FLNC: variants seen among roughly 807,000 people sequenced by gnomAD.
FLNC encodes the protein filamin C.
In FLNC, 91 loss-of-function variants were observed where a neutral mutation model predicts 254.3. That is an observed-to-expected ratio of 0.36 (90% CI 0.30 to 0.43). The LOEUF is 0.43. Among genes scored for constraint, FLNC ranks in the 20% least tolerant of loss-of-function variants. The probability of loss-of-function intolerance (pLI) is 1.00; values close to 1 mark genes in which losing one functional copy is unlikely to be tolerated. For missense variants in FLNC, 2,853 were observed against 3,802.6 expected, an observed-to-expected ratio of 0.75 and a Z score of 6.57; for synonymous variants, 1,430 against 1,577.2, an observed-to-expected ratio of 0.91 and a Z score of 2.21.
At chr7:128,846,941 C>A in intron 24 of FLNC, 36 bp downstream of exon 24, 1 of 1,612,666 alleles carries the variant, frequency 6.2e-7, no homozygotes, top group Non-Finnish European at 8.5e-7. Context: ...TCAGGGAAGA[C>A]AAGGGAGGGT....
intron 31 of FLNC, 129 bp from the exon 32 acceptor site, chr7:128,850,255 A>G: frequency 1.0e-6 from 1 of 963,218 alleles, no homozygotes; most frequent in East Asian, 2.4e-5. Context: ...CAGCTGACGC[A>G]CCTCTCCTGC....
chr7:128,851,403 G>C, intron 34 of FLNC, 43 bp downstream of exon 34: 1 of 1,613,962 alleles, frequency 6.2e-7, no homozygotes, highest in Non-Finnish European at 8.5e-7. Flanking sequence ...AGACTCACCA[G>C]GGGCAGGGGT....
In FLNC at chr7:128,841,541, A is replaced by G; in HGVS notation, c.2095A>G (p.Lys699Glu). The G allele has an allele frequency of 6.2e-7, 1 of 1,614,050 alleles. No individual in the cohort carries two copies. Among genetic ancestry groups the G allele is most frequent in the Non-Finnish European group, 8.5e-7 (1 of 1,179,888 alleles). ...EFTIDARAAG[K>E]GDLKLYAQDA... ...CACCATTGATGCTCGTGCAGCTGGC[A>G]AGGGAGACCTGAAGCTCTATGCCCA... Residue 699 changes from lysine (K) to glutamate (E), a missense_variant, in exon 13 of 48, where the codon AAG (lysine) becomes GAG (glutamate). Around this residue, in one of 10 missense-constraint regions of FLNC, gnomAD observed 1,573 missense variants for 1,883.5 expected, o/e 0.84. Coordinates refer to ENST00000325888, the MANE Select transcript of FLNC (RefSeq NM_001458.5). The surrounding 1 kb of genome is among the most constrained non-coding windows in gnomAD (Gnocchi z 4.3).
chr7:128,833,335 C>T (rs1301146907), intron 1 of FLNC, among the ~76,000 whole-genome samples: 1 of 152,242 alleles, frequency 6.6e-6, no homozygotes, highest in African/African-American at 2.4e-5. Context: ...CTGGGGTGGC[C>T]TCGGGAACTA....
intron 3 of FLNC, 58 bp from the exon 4 acceptor site, chr7:128,837,340 G>T (rs1562991826): frequency 6.2e-7 from 1 of 1,612,758 alleles, no homozygotes; most frequent in South Asian, 1.1e-5. Flanking sequence ...GGTGCAGGGG[G>T]AGACTGGGGC....
chr7:128,838,122 C>A, intron 6 of FLNC, 58 bp downstream of exon 6: 1 of 1,522,810 alleles, frequency 6.6e-7, no homozygotes, highest in Non-Finnish European at 9.1e-7. Context: ...GTTCCGGCTG[C>A]ATGGACCCCT....
Position 128,854,678 on chromosome 7 carries a change from G to A in FLNC, c.6993G>A (p.Val2331=). 6.2e-7 allele frequency: 1 copy of A among 1,612,486 alleles called. No individual in the cohort carries two copies. The highest frequency in any genetic ancestry group is 8.5e-7 in the Non-Finnish European group (1 of 1,179,324). ...GGCTGGAGCGAGGTGTGGCCGGCGTGCCAGGTAAGGGGCAGGTGGCCAGGA... is the reference window on the plus strand; with the variant it reads ...GGCTGGAGCGAGGTGTGGCCGGCGTACCAGGTAAGGGGCAGGTGGCCAGGA... ...GTGLERGVAG[V]PAEFSIWTRE... Residue 2331 remains valine, a synonymous_variant, in exon 41 of 48, where the codon GTG becomes GTA. Transcript: ENST00000325888.
intron 20 of FLNC, 51 bp downstream of exon 20, chr7:128,844,317 G>A (rs777843087): frequency 6.4e-7 from 1 of 1,558,012 alleles, no homozygotes; most frequent in Admixed American, 1.8e-5. Context: ...TTGTTGGGAA[G>A]ATAGATGAGT....
chr7:128,852,973 G>A lies in FLNC; in HGVS notation c.6150G>A (p.Gly2050=). Residue 2050 remains glycine, a synonymous_variant, in exon 37 of 48, where the codon GGG becomes GGA. Coordinates refer to ENST00000325888, the MANE Select transcript of FLNC (RefSeq NM_001458.5). ...GCAAGGTGCGGGTCTGGGGCAAGGG[G>A]CTTTCCGAGGGACACACATTCCAGG... ...DASKVRVWGK[G]LSEGHTFQVA... 6.2e-7 allele frequency: 1 copy of A among 1,613,516 alleles called. No homozygotes were observed. The highest frequency in any genetic ancestry group is 8.5e-7 in the Non-Finnish European group (1 of 1,180,024).
chr7:128,843,033 C>T, intron 16 of FLNC, 79 bp downstream of exon 16: 3 of 1,546,806 alleles, frequency 1.9e-6, no homozygotes, highest in Non-Finnish European at 2.7e-6. Context: ...TCACTGGGAA[C>T]AGGGAGGGAT....
In FLNC at chr7:128,854,655, C is replaced by A; in HGVS notation, c.6970C>A (p.Leu2324Met). 1 of 1,612,644 alleles carries A rather than the reference C, an allele frequency of 6.2e-7. No individual in the cohort carries two copies. Among genetic ancestry groups the A allele is most frequent in the Non-Finnish European group, 8.5e-7 (1 of 1,179,476 alleles). The change falls in exon 41 of 48, where the codon CTG becomes ATG. Residue 2324 changes from leucine (L) to methionine (M), a missense_variant. By Grantham distance (15) the Leu-to-Met change is conservative. Coordinates refer to ENST00000325888, the MANE Select transcript of FLNC (RefSeq NM_001458.5). ...AHKVRAGGTGLERGVAGVPAE... is the reference protein window; with the variant it reads ...AHKVRAGGTGMERGVAGVPAE... ...CAAGGTGCGGGCCGGAGGCACAGGG[C>A]TGGAGCGAGGTGTGGCCGGCGTGCC... is the stretch of plus-strand genomic sequence containing the variant.
Position 128,859,117 on chromosome 7 carries a change from T to C in FLNC, c.*594T>C, listed in dbSNP as rs560924737. 1 of 155,996 alleles carries C rather than the reference T, an allele frequency of 6.4e-6. No homozygotes were observed. Among genetic ancestry groups the C allele is most frequent in the Non-Finnish European group, 1.4e-5 (1 of 70,190 alleles). The allele number at this position is 155,996 out of a possible 1,614,324, so 9.7% of individuals were successfully genotyped here. ...CCAGGGGGCCTGATTTCTCTCTCAC[T>C]GTCTCTTTTTTTAAAATGGTTGCAC... is the stretch of plus-strand genomic sequence containing the variant. On this transcript the variant is annotated 3_prime_UTR_variant, in exon 48 of 48. Transcript: ENST00000325888.
In FLNC at chr7:128,838,342, G is replaced by A. The variant is rs747623981; in HGVS notation, c.1123G>A (p.Ala375Thr). 6.2e-7 allele frequency: 1 copy of A among 1,614,078 alleles called. No homozygotes were observed. Among genetic ancestry groups the A allele is most frequent in the African/African-American group, 1.3e-5 (1 of 75,054 alleles). The change falls in exon 7 of 48, where the codon GCC becomes ACC. Residue 375 changes from alanine to threonine, a missense_variant. Physicochemically the swap from Ala to Thr is moderately conservative, Grantham distance 58. Coordinates refer to ENST00000325888, the MANE Select transcript of FLNC (RefSeq NM_001458.5). ...EVNVGMALGD[A>T]NKVSARGPGL... ...GAACGTGGGCATGGCCCTGGGAGAT[G>A]CCAACAAGGTGTCAGCCCGTGGCCC...
intron 24 of FLNC, 89 bp downstream of exon 24, chr7:128,846,994 G>C: frequency 1.3e-6 from 2 of 1,528,802 alleles, no homozygotes; most frequent in Non-Finnish European, 1.8e-6. Context: ...AAGGAAGTTG[G>C]GTAAGAATGT....
At chr7:128,833,110 G>T (rs914464309) in intron 1 of FLNC, among the ~76,000 whole-genome samples, 1 of 152,204 alleles carries the variant, frequency 6.6e-6, no homozygotes, top group African/African-American at 2.4e-5. Flanking sequence ...GGTTAAAGGA[G>T]CTGTGCCCTT....
At chr7:128,848,115 G>T in intron 26 of FLNC, 47 bp downstream of exon 26, 1 of 1,563,594 alleles carries the variant, frequency 6.4e-7, no homozygotes, top group South Asian at 1.2e-5. Flanking sequence ...GCTCTGGGGT[G>T]CTCCTGCTGG....
chr7:128,854,407 C>A lies in FLNC; in HGVS notation c.6728-6C>A. 1 of 1,609,012 alleles carries A rather than the reference C, an allele frequency of 6.2e-7. No homozygotes were observed. Among genetic ancestry groups the A allele is most frequent in the African/African-American group, 1.3e-5 (1 of 75,014 alleles). On this transcript the variant is annotated splice_polypyrimidine_tract_variant and splice_region_variant and intron_variant, in intron 40 of 47. Transcript: ENST00000325888. ...GTGTTGCCCTGACATCCCCCAAACC[C>A]TGCAGGTGAGGCCAGCTCTCAGGAC...
Position 128,838,773 on chromosome 7 carries a change from C to G in FLNC, c.1381C>G (p.Arg461Gly), listed in dbSNP as rs766999669. ...HVAFAGAPIT[R>G]SPFPVHVSEA... is the part of the protein sequence containing the mutation. ...GGCCTTTGCGGGTGCCCCCATCACCCGCAGTCCCTTCCCTGTCCATGTGTC... is the reference window on the plus strand; with the variant it reads ...GGCCTTTGCGGGTGCCCCCATCACCGGCAGTCCCTTCCCTGTCCATGTGTC... The change falls in exon 8 of 48, where the codon CGC (arginine) becomes GGC (glycine). Residue 461 changes from arginine (R) to glycine (G), a missense_variant. Arg to Gly is a moderately radical substitution (Grantham distance 125, BLOSUM62 -2). Coordinates refer to ENST00000325888, the MANE Select transcript of FLNC (RefSeq NM_001458.5). The G allele has an allele frequency of 6.2e-7, 1 of 1,612,962 alleles. No individual in the cohort carries two copies. The highest frequency in any genetic ancestry group is 1.1e-5 in the South Asian group (1 of 91,084).
rs1172751451 is a variant in FLNC at position 128,830,520 on chromosome 7, T to TGGAGA, written c.-111_-107dup. ...CCGCCAGCCCCGGCGCGAGAGAAGT[T>TGGAGA]GGAGAGGAGAGCAGCGCAGCGCAGC... On this transcript the variant is annotated 5_prime_UTR_variant, in exon 1 of 48. Coordinates refer to ENST00000325888, the MANE Select transcript of FLNC (RefSeq NM_001458.5). 1 of 861,226 alleles carries TGGAGA rather than the reference T, an allele frequency of 1.2e-6. No individual in the cohort carries two copies. The highest frequency in any genetic ancestry group is 1.8e-6 in the Non-Finnish European group (1 of 550,160). 53.3% of individuals were successfully genotyped at this position (861,226 alleles called of 1,614,324 possible). A position where few individuals can be genotyped will look rare whatever the true frequency, so the allele number is the denominator to read the frequency against.
Sources: gnomAD v4.1 joint callset for allele counts (sites outside exome capture counted in the v4.1 genomes callset) on GRCh38, gnomAD v4.1.1 for gene constraint, gnomAD v4.1.1 regional missense constraint, Gnocchi (gnomAD v3.1) non-coding constraint, MANE v1.5 for transcripts, NCBI Gene and HGNC (gene_info 2026-07-23, HGNC 2026-07-21) for gene names.